The following FBXL5 variants were observed in gnomAD, a reference collection of about 807,000 sequenced individuals.
FBXL5 encodes F-box/LRR-repeat protein 5.
A neutral mutation model predicts 78.3 loss-of-function variants in FBXL5; 26 were observed. The observed-to-expected ratio is 0.33, with a 90% CI of 0.24 to 0.46. FBXL5 has a LOEUF of 0.46. Among genes scored for constraint, FBXL5 ranks in the 20% least tolerant of loss-of-function variants. The pLI is 1.00. For synonymous variants in FBXL5, 295 were observed against 282.5 expected (o/e 1.04, Z -0.45); for missense variants, 710 against 829.2 (o/e 0.86, Z 1.77).
intron 1 of FBXL5, among the ~76,000 whole-genome samples, chr4:15,647,351 A>AT (rs1274172247): frequency 3.3e-5 from 5 of 152,074 alleles, no homozygotes; most frequent in Non-Finnish European, 7.4e-5. Flanking sequence ...TAATCTAAAG[A>AT]TGATTTAAAG....
intron 9 of FBXL5, among the ~76,000 whole-genome samples, chr4:15,614,069 A>G (rs564994475): frequency 5.3e-5 from 8 of 152,274 alleles, no homozygotes; most frequent in African/African-American, 1.9e-4. Context: ...GGGGTAGACT[A>G]TGTCAGAGGG....
At chr4:15,642,420 G>A (rs1288076572) in intron 2 of FBXL5, among the ~76,000 whole-genome samples, 2 of 151,962 alleles carry the variant, frequency 1.3e-5, no homozygotes, top group Non-Finnish European at 2.9e-5. Context: ...ATTTTTAGTA[G>A]AGATGGGGTT....
intron 9 of FBXL5, among the ~76,000 whole-genome samples, chr4:15,614,753 C>CA (rs1191430096): frequency 6.6e-6 from 1 of 152,132 alleles, no homozygotes; most frequent in Non-Finnish European, 1.5e-5. Flanking sequence ...AGCACGCTGG[C>CA]AGTCCTCACA....
intron 5 of FBXL5, among the ~76,000 whole-genome samples, chr4:15,634,187 T>A (rs1189385376): frequency 6.6e-6 from 1 of 151,466 alleles, no homozygotes; most frequent in East Asian, 1.9e-4. Context: ...TTCTATTGAT[T>A]TTTTTTTTCT....
intron 9 of FBXL5, 69 bp from the exon 10 acceptor site, chr4:15,612,483 C>G: frequency 3.0e-6 from 4 of 1,353,632 alleles, no homozygotes; most frequent in Non-Finnish European, 4.0e-6. Context: ...CTATGGTTCA[C>G]TGAACCACTA....
intron 1 of FBXL5, among the ~76,000 whole-genome samples, chr4:15,645,171 A>G (rs13133213): frequency 0.46 from 69,819 of 151,660 alleles, 16,446 homozygotes; most frequent in Non-Finnish European, 0.5. Context: ...CTAAAATGGA[A>G]CATAATCTAA....
At chr4:15,652,366 T>C (rs1716183470) in intron 1 of FBXL5, among the ~76,000 whole-genome samples, 1 of 152,200 alleles carries the variant, frequency 6.6e-6, no homozygotes. Flanking sequence ...TAGCTGCTTA[T>C]GTAACCTTGG....
intron 9 of FBXL5, among the ~76,000 whole-genome samples, chr4:15,624,039 CG>C (rs1427089598): frequency 1.3e-5 from 2 of 151,742 alleles, no homozygotes; most frequent in African/African-American, 4.8e-5. Flanking sequence ...TTAGCCAGGA[CG>C]GTCTCAATCT....
At chr4:15,661,126 T>G (rs1717291348), upstream of FBXL5, among the ~76,000 whole-genome samples, 1 of 152,208 alleles carries the variant, frequency 6.6e-6, no homozygotes, top group Admixed American at 6.5e-5. Context: ...ATTTTATTTG[T>G]GTAACCAATT....
chr4:15,631,376 G>C (rs183968786), intron 5 of FBXL5, among the ~76,000 whole-genome samples: 89 of 152,216 alleles, frequency 5.8e-4, no homozygotes, highest in Non-Finnish European at 1.1e-3. Flanking sequence ...CACAATAAAC[G>C]TATGTGCGCA....
chr4:15,663,595 C>T (rs1560248969), upstream of FBXL5, among the ~76,000 whole-genome samples: 1 of 152,184 alleles, frequency 6.6e-6, no homozygotes, highest in Non-Finnish European at 1.5e-5. Flanking sequence ...ATTCTGCTCA[C>T]TCATCTGTGA....
Position 15,625,349 on chromosome 4 carries a change from T to G in FBXL5, c.1753A>C (p.Ile585Leu). Residue 585 changes from isoleucine to leucine, a missense_variant, in exon 9 of 11, where the codon ATT (isoleucine) becomes CTT (leucine). By Grantham distance (5) the Ile-to-Leu change is conservative. Around this residue, in one of 4 missense-constraint regions of FBXL5, gnomAD observed 517 missense variants for 542.9 expected, o/e 0.95. Transcript: ENST00000341285. Reference sequence around the variant, plus strand: ...TCAGATTTTTCACTCCCAAAGTAAATTAAGTCTTTTCCCCTAGGCAATCTA... The same window carrying G: ...TCAGATTTTTCACTCCCAAAGTAAAGTAAGTCTTTTCCCCTAGGCAATCTA... ...RTRLPRGKDL[I>L]YFGSEKSDQE... 6.2e-7 allele frequency: 1 copy of G among 1,614,194 alleles called. No individual in the cohort carries two copies. Among genetic ancestry groups the G allele is most frequent in the Non-Finnish European group, 8.5e-7 (1 of 1,180,030 alleles).
At chr4:15,655,824 C>T (rs1241611394), upstream of FBXL5, among the ~76,000 whole-genome samples, 1 of 152,202 alleles carries the variant, frequency 6.6e-6, no homozygotes, top group Non-Finnish European at 1.5e-5. Flanking sequence ...GCGATTGGCC[C>T]GTGCCAGATT....
upstream of FBXL5, among the ~76,000 whole-genome samples, chr4:15,660,328 C>T (rs1717245097): frequency 6.6e-6 from 1 of 152,122 alleles, no homozygotes; most frequent in Non-Finnish European, 1.5e-5. Context: ...AGCAATCCTC[C>T]CACATGGCCT....
Position 15,655,346 on chromosome 4 carries a change from T to G in FBXL5, c.-59A>C. 17 of 1,271,450 alleles carry G rather than the reference T, an allele frequency of 1.3e-5. No individual in the cohort carries two copies. Among genetic ancestry groups the G allele is most frequent in the Non-Finnish European group, 1.5e-5 (15 of 976,728 alleles). 78.8% of individuals were successfully genotyped at this position (1,271,450 alleles called of 1,614,324 possible). ...GGCCGCCGCCTCTCCATAGACACCCTCGCCGCGGGGCAGAGGCGGCGCGCC... is the reference window on the plus strand; with the variant it reads ...GGCCGCCGCCTCTCCATAGACACCCGCGCCGCGGGGCAGAGGCGGCGCGCC... On this transcript the variant is annotated 5_prime_UTR_variant, in exon 1 of 11. Coordinates refer to ENST00000341285, the MANE Select transcript of FBXL5 (RefSeq NM_012161.4).
chr4:15,650,272 T>G (rs559954967), intron 1 of FBXL5, among the ~76,000 whole-genome samples: 69 of 152,198 alleles, frequency 4.5e-4, no homozygotes, highest in Non-Finnish European at 8.4e-4. Flanking sequence ...TAGAAAACTG[T>G]TTTTCAAATA....
At chr4:15,654,168 T>C (rs1004052596) in intron 1 of FBXL5, among the ~76,000 whole-genome samples, 9 of 152,214 alleles carry the variant, frequency 5.9e-5, no homozygotes, top group Non-Finnish European at 1.2e-4. Context: ...CTGTAGACAA[T>C]GGTTCTGCAT....
At chr4:15,611,340 T>C (rs1384466249) in intron 10 of FBXL5, among the ~76,000 whole-genome samples, 1 of 152,106 alleles carries the variant, frequency 6.6e-6, no homozygotes, top group East Asian at 1.9e-4. Flanking sequence ...CTGACTCCTG[T>C]CAATTGTTCT....
intron 1 of FBXL5, among the ~76,000 whole-genome samples, chr4:15,669,727 T>C (rs943701201): frequency 6.6e-6 from 1 of 152,210 alleles, no homozygotes. Context: ...TACTCAATAC[T>C]AGTTGGTCAG....
Sources: allele counts gnomAD v4.1 joint callset (sites outside exome capture counted in the v4.1 genomes callset), GRCh38; gene constraint gnomAD v4.1.1; regional missense constraint gnomAD v4.1.1; transcripts MANE v1.5; gene names NCBI Gene and HGNC (gene_info 2026-07-23, HGNC 2026-07-21).